Variants in HTRA3 observed in about 807,000 individuals in gnomAD.
The protein encoded by HTRA3 is HtrA serine peptidase 3, also known as serine protease HTRA3.
A neutral mutation model predicts 43.2 loss-of-function variants in HTRA3; 41 were observed. That is an observed-to-expected ratio of 0.95 (90% confidence interval 0.74 to 1.23). The LOEUF (loss-of-function observed/expected upper bound fraction) is 1.23. HTRA3 is among the 50% of genes most tolerant of loss of function. HTRA3 has a pLI of 0.00. For synonymous variants in HTRA3, 295 were observed against 287.9 expected (o/e 1.02, Z -0.25); for missense variants, 628 against 647.1 (o/e 0.97, Z 0.32).
At position 8,282,493 on chromosome 4, in the gene HTRA3, GAGA is replaced by G. The variant is rs779066414; in HGVS notation, c.446_448del (p.Lys149del). On this transcript the variant is annotated inframe_deletion, in exon 2 of 9. Transcript: ENST00000307358. ...GTTCAACTTCATTGCTGACGTGGTGGAGAAGATCGCACCAGCCGTGGTCCACAT... is the reference window on the plus strand; with the variant it reads ...GTTCAACTTCATTGCTGACGTGGTGGAGATCGCACCAGCCGTGGTCCACAT... The G allele has an allele frequency of 3.7e-6, 6 of 1,614,024 alleles. No homozygotes were observed. Among genetic ancestry groups the G allele is most frequent in the South Asian group, 1.1e-5 (1 of 91,080 alleles).
chr4:8,306,554 A>T lies in HTRA3; in HGVS notation c.*418A>T, dbSNP rs1223010696. 2 of 170,480 alleles carry T rather than the reference A, an allele frequency of 1.2e-5. No homozygotes were observed. Among genetic ancestry groups the T allele is most frequent in the Non-Finnish European group, 2.6e-5 (2 of 78,224 alleles). 10.6% of individuals were successfully genotyped at this position (170,480 alleles called of 1,614,324 possible). ...TTCCCCCCTGACAAACGCCCACCTG[A>T]CCTGAGGCCCCAGCTTCCCTCTGCC... On this transcript the variant is annotated 3_prime_UTR_variant, in exon 9 of 9. Coordinates refer to ENST00000307358, the MANE Select transcript of HTRA3 (RefSeq NM_053044.5). The surrounding 1 kb of genome is among the most constrained non-coding windows in gnomAD (Gnocchi z 8.9).
intron 1 of HTRA3, among the ~76,000 whole-genome samples, chr4:8,277,516 C>G (rs541944360): frequency 1.3e-5 from 2 of 152,306 alleles, no homozygotes; most frequent in Admixed American, 1.3e-4. Context: ...TGGATCACCA[C>G]GCTTGCAAAG....
chr4:8,271,783 G>A (rs1471773442), intron 1 of HTRA3, among the ~76,000 whole-genome samples: 3 of 152,208 alleles, frequency 2.0e-5, no homozygotes, highest in Admixed American at 6.5e-5. Context: ...GCCCACGCTC[G>A]AAAGGAGGAA....
chr4:8,305,904 GGGCCGGGCCTGGGAA>G, intron 8 of HTRA3, 52 bp from the exon 9 acceptor site: 1 of 1,582,154 alleles, frequency 6.3e-7, no homozygotes, highest in Non-Finnish European at 8.7e-7. Context: ...GCCTCGCTCT[GGGCCGGGCCTGGGAA>G]GGCTGTGCCT....
At position 8,279,673 on chromosome 4, in the gene HTRA3, C is replaced by T. The variant is rs142828526; in HGVS notation, c.386-2764C>T. 2.4e-4 allele frequency among the ~76,000 whole-genome samples: 36 copies of T among 152,294 alleles called. No individual in the cohort carries two copies. In the East Asian group the frequency reaches 6.6e-3, roughly 28 times the overall value. On this transcript the variant is annotated intron_variant, in intron 1 of 8. Transcript: ENST00000307358. This position sits in a 1 kb window ranked among gnomAD's most constrained non-coding sequence, Gnocchi z 7.4. ...TGGGAGGAGAGGTGCTGCCATTCCTCCTTCTGCTGTGTTCACACTGGGCCC... is the reference window on the plus strand; with the variant it reads ...TGGGAGGAGAGGTGCTGCCATTCCTTCTTCTGCTGTGTTCACACTGGGCCC...
At position 8,270,315 on chromosome 4, in the gene HTRA3, C is replaced by G. The variant is rs759734520; in HGVS notation, c.347C>G (p.Thr116Arg). The change falls in exon 1 of 9, where the codon ACG becomes AGG. Residue 116 changes from threonine (T) to arginine (R), a missense_variant. Thr to Arg is a moderately conservative substitution (Grantham distance 71). Transcript: ENST00000307358. The stretch of plus-strand genomic sequence containing the variant: ...CGCCGCGCGCTGCAGCTCTCCGGGA[C>G]GCCCGTGCGCCAGCTGCAGAAGGGC... Reference protein sequence around the residue: ...ASRRALQLSGTPVRQLQKGAC... With the variant: ...ASRRALQLSGRPVRQLQKGAC... The G allele has an allele frequency of 1.4e-6, 2 of 1,454,844 alleles. No homozygotes were observed. Among genetic ancestry groups the G allele is most frequent in the Non-Finnish European group, 1.8e-6 (2 of 1,110,984 alleles). 90.1% of individuals were successfully genotyped at this position (1,454,844 alleles called of 1,614,324 possible).
chr4:8,300,829 CTT>C (rs951855161), intron 6 of HTRA3, among the ~76,000 whole-genome samples: 2 of 151,210 alleles, frequency 1.3e-5, no homozygotes, highest in African/African-American at 4.9e-5. Context: ...GATTCACACT[CTT>C]ATTAGATTCA....
chr4:8,291,942 T>A (rs1163515059), intron 4 of HTRA3, among the ~76,000 whole-genome samples: 1 of 152,218 alleles, frequency 6.6e-6, no homozygotes, highest in Non-Finnish European at 1.5e-5. Flanking sequence ...ATGCCCCAGA[T>A]CACGTCCATC....
rs866898050 is a variant in HTRA3, at chr4:8,301,810, C to T, written c.1052-653C>T. Among the ~76,000 whole-genome samples, 13 of 152,054 alleles carry T rather than the reference C, an allele frequency of 8.5e-5. No individual in the cohort carries two copies. The South Asian group carries it at 2.7e-3, about 32-fold the overall frequency. ...TAATTTAGAATGTATTATTAATTTCCAAGAATTTGGGAATTTTCTGGATAC... is the reference window on the plus strand; with the variant it reads ...TAATTTAGAATGTATTATTAATTTCTAAGAATTTGGGAATTTTCTGGATAC... On this transcript the variant is annotated intron_variant, in intron 6 of 8. Coordinates refer to ENST00000307358, the MANE Select transcript of HTRA3 (RefSeq NM_053044.5).
At chr4:8,270,696 A>C (rs1712234615) in intron 1 of HTRA3, among the ~76,000 whole-genome samples, 1 of 151,858 alleles carries the variant, frequency 6.6e-6, no homozygotes, top group Non-Finnish European at 1.5e-5. Flanking sequence ...CCGGGTATTG[A>C]GTGAAGGGCA....
chr4:8,291,648 C>G, intron 4 of HTRA3, 84 bp downstream of exon 4: 1 of 1,063,138 alleles, frequency 9.4e-7, no homozygotes, highest in Non-Finnish European at 1.3e-6. Flanking sequence ...CTCGGCTTGC[C>G]CCCCTCCCCA....
At chr4:8,305,546 T>C (rs1447746759) in intron 8 of HTRA3, among the ~76,000 whole-genome samples, 1 of 152,256 alleles carries the variant, frequency 6.6e-6, no homozygotes, top group East Asian at 1.9e-4. Flanking sequence ...GTGAGCCTCA[T>C]GCAGAGAGAA....
intron 1 of HTRA3, among the ~76,000 whole-genome samples, chr4:8,275,411 C>A (rs1019287063): frequency 3.9e-5 from 6 of 152,124 alleles, no homozygotes; most frequent in Non-Finnish European, 7.4e-5. Flanking sequence ...GGCTTGGTGA[C>A]CCCAACCACT....
At chr4:8,304,928 G>T (rs1713783347) in intron 8 of HTRA3, among the ~76,000 whole-genome samples, 1 of 152,110 alleles carries the variant, frequency 6.6e-6, no homozygotes, top group Non-Finnish European at 1.5e-5. Context: ...CAAAGTGCTG[G>T]GATTTCTACC....
rs73081572 is a variant in HTRA3, at chr4:8,271,063, C to A, written c.385+710C>A. ...ACAGGGGTTCACTGAAGACAGGCGA[C>A]GGGCCCCAGGTTCATGGATAGGAGT... On this transcript the variant is annotated intron_variant, in intron 1 of 8. Transcript: ENST00000307358. Among the ~76,000 whole-genome samples, 141 of 152,228 alleles carry A rather than the reference C, an allele frequency of 9.3e-4. 2 individuals carry two copies. The highest frequency in any genetic ancestry group is 3.3e-3 in the African/African-American group (135 of 41,516).
At chr4:8,289,554 T>C (rs912973369) in intron 3 of HTRA3, among the ~76,000 whole-genome samples, 1 of 152,204 alleles carries the variant, frequency 6.6e-6, no homozygotes, top group African/African-American at 2.4e-5. Flanking sequence ...GGTATCCAGG[T>C]GGGCCTGAGC....
intron 1 of HTRA3, among the ~76,000 whole-genome samples, chr4:8,273,329 G>A (rs1048485317): frequency 1.3e-5 from 2 of 152,208 alleles, no homozygotes; most frequent in Non-Finnish European, 2.9e-5. Flanking sequence ...CCAGCCAGAA[G>A]TTGCTGGGTG....
In HTRA3 at chr4:8,302,484, G is replaced by A. The variant is rs1272659953; in HGVS notation, c.1073G>A (p.Gly358Asp). The A allele has an allele frequency of 1.2e-6, 2 of 1,613,970 alleles. No individual in the cohort carries two copies. The highest frequency in any genetic ancestry group is 1.7e-6 in the Non-Finnish European group (2 of 1,180,022). Reference sequence around the variant, plus strand: ...CCAGACTGGAAGAAGCGCTTCATCGGCATACGGATGCGGACGATCACACCA... The same window carrying A: ...CCAGACTGGAAGAAGCGCTTCATCGACATACGGATGCGGACGATCACACCA... Reference protein sequence around the residue: ...QIKDWKKRFIGIRMRTITPSL... With the variant: ...QIKDWKKRFIDIRMRTITPSL... Residue 358 changes from glycine (G) to aspartate (D), a missense_variant, in exon 7 of 9, where the codon GGC becomes GAC. Transcript: ENST00000307358.
At chr4:8,299,843 T>A (rs868256502) in intron 6 of HTRA3, among the ~76,000 whole-genome samples, 1,880 of 148,468 alleles carry the variant, frequency 0.013, 32 homozygotes, top group African/African-American at 0.044. Flanking sequence ...GTATTATCCT[T>A]TTTTTTTTTT....
Sources: allele counts gnomAD v4.1 joint callset (sites outside exome capture counted in the v4.1 genomes callset), GRCh38; gene constraint gnomAD v4.1.1; non-coding constraint Gnocchi (gnomAD v3.1); transcripts MANE v1.5; gene names NCBI Gene and HGNC (gene_info 2026-07-23, HGNC 2026-07-21).